FHIT: variants seen among roughly 807,000 people sequenced by gnomAD.
FHIT encodes the protein bis(5'-adenosyl)-triphosphatase.
In FHIT, 19 loss-of-function variants were observed where a neutral mutation model predicts 17.9. The observed-to-expected ratio is 1.06, with a 90% CI of 0.74 to 1.56. The LOEUF (loss-of-function observed/expected upper bound fraction) is 1.56. Among genes scored for constraint, FHIT ranks in the 40% most tolerant of loss-of-function variants. FHIT has a pLI of 0.00. For synonymous variants in FHIT, 81 were observed against 69.7 expected (o/e 1.16, Z -0.81); for missense variants, 248 against 189.2 (o/e 1.31, Z -1.82).
At position 59,843,010 on chromosome 3, in the gene FHIT, A is replaced by T. The variant is rs140031052; in HGVS notation, c.348+79336T>A. 1.9e-3 allele frequency among the ~76,000 whole-genome samples: 285 copies of T among 152,186 alleles called. 2 individuals are homozygous for T. Among genetic ancestry groups the T allele is most frequent in the African/African-American group, 6.6e-3 (275 of 41,542 alleles). ...AAAATATCATGAGGCTTTTGCTCTA[A>T]ATTTTATTCTAAGAGTTTTATAGTT... On this transcript the variant is annotated intron_variant, in intron 8 of 9. Transcript: ENST00000492590.
Position 60,463,295 on chromosome 3 carries a change from T to G in FHIT, c.103+73565A>C, listed in dbSNP as rs544979665. On this transcript the variant is annotated intron_variant, in intron 5 of 9. Transcript: ENST00000492590. Reference sequence around the variant, plus strand: ...AATCAGCTTTGGTTTTCTGAAGAAATAGTTCACAAATCTAAGGAAAATGAT... The same window carrying G: ...AATCAGCTTTGGTTTTCTGAAGAAAGAGTTCACAAATCTAAGGAAAATGAT... Among the ~76,000 whole-genome samples, 78 of 152,278 alleles carry G rather than the reference T, an allele frequency of 5.1e-4. 2 individuals carry two copies. In the South Asian group the frequency reaches 0.016, roughly 31 times the overall value.
chr3:60,955,406 T>C (rs1014004141), intron 3 of FHIT, among the ~76,000 whole-genome samples: 1 of 151,804 alleles, frequency 6.6e-6, no homozygotes, highest in Non-Finnish European at 1.5e-5. Context: ...GTACCTGGAG[T>C]AGCCAAAGTC....
intron 5 of FHIT, among the ~76,000 whole-genome samples, chr3:60,368,721 T>C (rs575229860): frequency 6.6e-6 from 1 of 152,274 alleles, no homozygotes; most frequent in East Asian, 1.9e-4. Flanking sequence ...CTAGTGCTTT[T>C]TGTGTGCTCT....
At chr3:59,969,651 T>A (rs928113689) in intron 7 of FHIT, among the ~76,000 whole-genome samples, 1 of 152,260 alleles carries the variant, frequency 6.6e-6, no homozygotes, top group Middle Eastern at 3.4e-3. Context: ...ATTTGCGTAC[T>A]TGCGTGTATT....
intron 4 of FHIT, among the ~76,000 whole-genome samples, chr3:60,664,204 T>C (rs1553691870): frequency 6.6e-6 from 1 of 152,188 alleles, no homozygotes; most frequent in East Asian, 1.9e-4. Flanking sequence ...ATTTACTTTT[T>C]TTATTTTTAA....
rs550444758 is a variant in FHIT, at chr3:60,799,325, C to T, written c.-18+22594G>A. On this transcript the variant is annotated intron_variant, in intron 4 of 9. Coordinates refer to ENST00000492590, the MANE Select transcript of FHIT (RefSeq NM_002012.4). Reference sequence around the variant, plus strand: ...ACGTAGCTGGGATCACGGGCATGTGCCACCATGCCCAGCTAATTTTGTATT... The same window carrying T: ...ACGTAGCTGGGATCACGGGCATGTGTCACCATGCCCAGCTAATTTTGTATT... Among the ~76,000 whole-genome samples, 357 of 152,308 alleles carry T rather than the reference C, an allele frequency of 2.3e-3. 1 individual carries two copies. Among genetic ancestry groups the T allele is most frequent in the Non-Finnish European group, 4.1e-3 (282 of 68,012 alleles).
intron 3 of FHIT, among the ~76,000 whole-genome samples, chr3:61,021,222 A>G (rs1389959017): frequency 3.9e-5 from 6 of 152,220 alleles, no homozygotes; most frequent in Non-Finnish European, 7.3e-5. Context: ...TCAACAGAAT[A>G]TACATTCTTC....
chr3:60,027,144 C>CAAAAA (rs1366510677), intron 5 of FHIT, among the ~76,000 whole-genome samples: 10 of 118,204 alleles, frequency 8.5e-5, no homozygotes, highest in African/African-American at 3.2e-4. Context: ...CACACACACA[C>CAAAAA]ACACAAAATT....
At chr3:59,906,612 A>G (rs1704597171) in intron 8 of FHIT, among the ~76,000 whole-genome samples, 3 of 152,194 alleles carry the variant, frequency 2.0e-5, no homozygotes, top group Non-Finnish European at 1.5e-5. Flanking sequence ...ATGGATCTCA[A>G]TGGCCTGCGT....
chr3:60,281,939 A>C (rs1231708074), intron 5 of FHIT, among the ~76,000 whole-genome samples: 2 of 152,320 alleles, frequency 1.3e-5, no homozygotes, highest in East Asian at 3.9e-4. Context: ...AGGGGATTAC[A>C]AATTAAAACA....
rs3047601 is a variant in FHIT at position 59,929,860 on chromosome 3, CTTTT to C, written c.280-7450_280-7447del. Among the ~76,000 whole-genome samples, 107 of 143,720 alleles carry C rather than the reference CTTTT, an allele frequency of 7.4e-4. 4 individuals carry two copies. The South Asian group carries it at 0.011, about 15-fold the overall frequency. The allele number at this position is 143,720 out of a possible 152,430, so 94.3% of individuals were successfully genotyped here. On this transcript the variant is annotated intron_variant, in intron 7 of 9. Transcript: ENST00000492590. Reference sequence around the variant, plus strand: ...TAGAGTGATACAAATATGATACACGCTTTTTTTTTTTTTTTAGTCTCAATTGCCC... The same window carrying C: ...TAGAGTGATACAAATATGATACACGCTTTTTTTTTTTAGTCTCAATTGCCC...
chr3:59,808,234 T>C (rs1379954452), intron 8 of FHIT, among the ~76,000 whole-genome samples: 1 of 152,144 alleles, frequency 6.6e-6, no homozygotes, highest in Admixed American at 6.5e-5. Flanking sequence ...ATAATGAAAA[T>C]TGCAGGATGA....
At chr3:60,639,386 A>C (rs1559605170) in intron 4 of FHIT, among the ~76,000 whole-genome samples, 1 of 152,116 alleles carries the variant, frequency 6.6e-6, no homozygotes, top group Non-Finnish European at 1.5e-5. Context: ...GAGACCAATT[A>C]ACTAAGCAAA....
At chr3:60,792,587 C>T (rs1465652511) in intron 4 of FHIT, among the ~76,000 whole-genome samples, 3 of 152,144 alleles carry the variant, frequency 2.0e-5, no homozygotes, top group East Asian at 1.9e-4. Flanking sequence ...TGCCAGTGAG[C>T]GACTGAAAGA....
At chr3:61,138,009 G>A (rs2036966049) in intron 2 of FHIT, among the ~76,000 whole-genome samples, 1 of 152,164 alleles carries the variant, frequency 6.6e-6, no homozygotes, top group Non-Finnish European at 1.5e-5. Context: ...GCCTGGCTCT[G>A]CCATTAACCA....
chr3:60,718,268 G>A (rs1301972293), intron 4 of FHIT, among the ~76,000 whole-genome samples: 1 of 152,138 alleles, frequency 6.6e-6, no homozygotes, highest in Non-Finnish European at 1.5e-5. Context: ...TTCATGTTAT[G>A]CACTTAACAT....
chr3:60,569,159 A>G (rs966879227), intron 4 of FHIT, among the ~76,000 whole-genome samples: 1 of 152,244 alleles, frequency 6.6e-6, no homozygotes, highest in Non-Finnish European at 1.5e-5. Flanking sequence ...AAGGTTTGAC[A>G]TAGACCAAGG....
intron 3 of FHIT, among the ~76,000 whole-genome samples, chr3:60,892,888 TA>T (rs1412168323): frequency 1.3e-5 from 2 of 152,186 alleles, no homozygotes; most frequent in African/African-American, 2.4e-5. Flanking sequence ...ATGCATGGAT[TA>T]AAAAAATACA....
chr3:61,215,637 T>A (rs1029684168), intron 1 of FHIT, among the ~76,000 whole-genome samples: 13 of 152,062 alleles, frequency 8.5e-5, no homozygotes, highest in Admixed American at 6.6e-4. Context: ...AGAATTGGAA[T>A]AAACTACTTT....
Sources: gnomAD v4.1 joint callset for allele counts (sites outside exome capture counted in the v4.1 genomes callset) on GRCh38, gnomAD v4.1.1 for gene constraint, MANE v1.5 for transcripts, NCBI Gene and HGNC (gene_info 2026-07-23, HGNC 2026-07-21) for gene names.